Variants in CHD9 observed in about 807,000 individuals in gnomAD.
CHD9 encodes chromodomain helicase DNA binding protein 9.
CHD9 carries 77 observed loss-of-function variants against 316.1 expected under a neutral mutation model. That is an observed-to-expected ratio of 0.24 (90% confidence interval 0.20 to 0.29). CHD9 has a LOEUF of 0.29. Ranked by LOEUF, CHD9 falls within the 10% of genes least tolerant of loss-of-function variation. CHD9 has a pLI of 1.00. For missense variants in CHD9, 2,763 were observed against 3,438.1 expected (o/e 0.80, Z 4.91); for synonymous variants, 1,129 against 1,158.3 (o/e 0.97, Z 0.51).
At chr16:53,316,069 C>A (rs192153883) in intron 36 of CHD9, among the ~76,000 whole-genome samples, 1 of 152,058 alleles carries the variant, frequency 6.6e-6, no homozygotes, top group African/African-American at 2.4e-5. Context: ...GCCACCACAT[C>A]CAGCTAATTT....
chr16:53,280,395 G>A (rs376013239), intron 24 of CHD9, among the ~76,000 whole-genome samples: 52 of 152,182 alleles, frequency 3.4e-4, no homozygotes, highest in African/African-American at 1.2e-3. Context: ...GGGGATAGGA[G>A]ACTATTATTC....
At chr16:53,299,957 GT>G (rs2055199232) in intron 30 of CHD9, among the ~76,000 whole-genome samples, 1 of 152,194 alleles carries the variant, frequency 6.6e-6, no homozygotes, top group Admixed American at 6.5e-5. Flanking sequence ...TTTGTTACAA[GT>G]GTTACATTTA....
intron 1 of CHD9, among the ~76,000 whole-genome samples, chr16:53,112,869 T>A (rs1037132523): frequency 6.6e-6 from 1 of 151,946 alleles, no homozygotes; most frequent in Non-Finnish European, 1.5e-5. Context: ...AAAAATAAGC[T>A]GGGTGTGGTG....
At chr16:53,190,391 A>G (rs976367090) in intron 2 of CHD9, among the ~76,000 whole-genome samples, 1 of 152,126 alleles carries the variant, frequency 6.6e-6, no homozygotes, top group Non-Finnish European at 1.5e-5. Flanking sequence ...GACTCTGAGA[A>G]TGAGCCTTTA....
chr16:53,166,714 T>TA, intron 2 of CHD9, among the ~76,000 whole-genome samples: 1 of 152,280 alleles, frequency 6.6e-6, no homozygotes, highest in East Asian at 1.9e-4. Flanking sequence ...TGGATATAGT[T>TA]AGGAAGCATG....
intron 38 of CHD9, among the ~76,000 whole-genome samples, chr16:53,322,775 C>T (rs924422485): frequency 2.6e-5 from 4 of 151,782 alleles, no homozygotes; most frequent in East Asian, 1.9e-4. Flanking sequence ...AAACTAAGTT[C>T]GCTGTGATTC....
rs1465751610 is a variant in CHD9, at chr16:53,325,704, TG to T, written c.*811del. The T allele has an allele frequency of 1.3e-5, 2 of 152,248 alleles. No individual in the cohort carries two copies. Among genetic ancestry groups the T allele is most frequent in the Non-Finnish European group, 1.5e-5 (1 of 67,976 alleles). 9.4% of individuals were successfully genotyped at this position (152,248 alleles called of 1,614,324 possible). A position where few individuals can be genotyped will look rare whatever the true frequency, so the allele number is the denominator to read the frequency against. On this transcript the variant is annotated 3_prime_UTR_variant, in exon 39 of 39. Coordinates refer to ENST00000447540, the MANE Select transcript of CHD9 (RefSeq NM_001308319.2). Reference sequence around the variant, plus strand: ...TACTTAGTTTTAACTTTTCAAAGTTTGGCCTCCTATTAGAAATAATCATGTC... The same window carrying T: ...TACTTAGTTTTAACTTTTCAAAGTTTGCCTCCTATTAGAAATAATCATGTC...
At chr16:53,132,243 A>G (rs1273197846) in intron 1 of CHD9, among the ~76,000 whole-genome samples, 2 of 152,080 alleles carry the variant, frequency 1.3e-5, no homozygotes, top group Non-Finnish European at 2.9e-5. Context: ...ATTTGACGCT[A>G]TTGTGACATT....
chr16:53,259,870 A>C (rs1395025720), intron 19 of CHD9, among the ~76,000 whole-genome samples: 3 of 152,198 alleles, frequency 2.0e-5, no homozygotes, highest in African/African-American at 7.2e-5. Context: ...CATTTACCAG[A>C]TTGGTTAAAT....
chr16:53,125,237 T>C lies in CHD9; in HGVS notation c.-164-30689T>C, dbSNP rs1411905152. Among the ~76,000 whole-genome samples, 7 of 148,716 alleles carry C rather than the reference T, an allele frequency of 4.7e-5. No individual in the cohort carries two copies. In the East Asian group the frequency reaches 1.4e-3, roughly 29 times the overall value. ...GTTAGGATTTTTTTTTTTTTTTTTTTTTTTGAGATGGAGTCTCACTCTGTC... is the reference window on the plus strand; with the variant it reads ...GTTAGGATTTTTTTTTTTTTTTTTTCTTTTGAGATGGAGTCTCACTCTGTC... On this transcript the variant is annotated intron_variant, in intron 1 of 38. Coordinates refer to ENST00000447540, the MANE Select transcript of CHD9 (RefSeq NM_001308319.2).
intron 30 of CHD9, among the ~76,000 whole-genome samples, chr16:53,300,421 C>T (rs577159201): frequency 6.6e-6 from 1 of 151,226 alleles, no homozygotes; most frequent in East Asian, 1.9e-4. Context: ...ATACAAAATG[C>T]TACACAAGTT....
chr16:53,205,169 G>T (rs1460341011), intron 2 of CHD9, among the ~76,000 whole-genome samples: 3 of 152,158 alleles, frequency 2.0e-5, no homozygotes, highest in African/African-American at 7.2e-5. Flanking sequence ...AGCTCATGGG[G>T]AGCAAGGCCT....
chr16:53,235,354 CA>C, intron 11 of CHD9, 48 bp downstream of exon 11: 2 of 1,285,912 alleles, frequency 1.6e-6, no homozygotes, highest in South Asian at 1.5e-5. Flanking sequence ...TAATGTGTGC[CA>C]AAATGTGTCA....
chr16:53,268,885 C>G (rs1411244103), intron 22 of CHD9, among the ~76,000 whole-genome samples: 1 of 152,162 alleles, frequency 6.6e-6, no homozygotes, highest in African/African-American at 2.4e-5. Context: ...TCAATGCAGC[C>G]TCAACCTCCT....
chr16:53,263,284 A>G lies in CHD9; in HGVS notation c.4320+187A>G, dbSNP rs551795042. On this transcript the variant is annotated intron_variant, in intron 20 of 38. Transcript: ENST00000447540. ...TTTAATACATCTAATATCTCCCATG[A>G]TGGGTTATCCCTACAGGGAAGGTTT... 3.9e-5 allele frequency among the ~76,000 whole-genome samples: 6 copies of G among 152,288 alleles called. No individual in the cohort carries two copies. The South Asian group carries it at 6.2e-4, about 16-fold the overall frequency.
chr16:53,304,797 C>A (rs537123131), intron 31 of CHD9, among the ~76,000 whole-genome samples, 172 bp downstream of exon 31: 12 of 149,218 alleles, frequency 8.0e-5, no homozygotes, highest in Admixed American at 4.7e-4. Context: ...TGGGTTCAAG[C>A]GACTCTCCTG....
chr16:53,183,815 A>G (rs567241845), intron 2 of CHD9, among the ~76,000 whole-genome samples: 1 of 152,332 alleles, frequency 6.6e-6, no homozygotes, highest in East Asian at 1.9e-4. Flanking sequence ...CCTTTCTGCT[A>G]CTTAACAGCC....
At chr16:53,205,324 G>T (rs1002969695) in intron 2 of CHD9, among the ~76,000 whole-genome samples, 5 of 152,068 alleles carry the variant, frequency 3.3e-5, no homozygotes, top group African/African-American at 9.7e-5. Context: ...AAAGACTTTG[G>T]TATATGTTTT....
chr16:53,310,571 G>A (rs564677806), intron 34 of CHD9, among the ~76,000 whole-genome samples: 17 of 151,994 alleles, frequency 1.1e-4, no homozygotes, highest in East Asian at 1.9e-4. Flanking sequence ...GTAGGGGTCC[G>A]GTGTGGTGGC....
Sources: gnomAD v4.1 joint callset for allele counts (sites outside exome capture counted in the v4.1 genomes callset) on GRCh38, gnomAD v4.1.1 for gene constraint, MANE v1.5 for transcripts, NCBI Gene and HGNC (gene_info 2026-07-23, HGNC 2026-07-21) for gene names.